The following CSMD3 variants were observed in gnomAD, a reference collection of about 807,000 sequenced individuals.
CSMD3 encodes the protein CUB and Sushi multiple domains 3, also known as CUB and sushi domain-containing protein 3.
CSMD3 carries 177 observed loss-of-function variants against 435.2 expected under a neutral mutation model. That is an observed-to-expected ratio of 0.41 (90% CI 0.36 to 0.46). The LOEUF is 0.46. CSMD3 is among the 20% of genes least tolerant of loss of function. The probability of loss-of-function intolerance (pLI) is 0.34; values close to 1 mark genes in which losing one functional copy is unlikely to be tolerated. For missense variants in CSMD3, 4,265 were observed against 4,504.6 expected, an observed-to-expected ratio of 0.95 and a Z score of 1.52; for synonymous variants, 1,656 against 1,520.5, an observed-to-expected ratio of 1.09 and a Z score of -2.07.
At chr8:113,210,010 G>C (rs2092814496) in intron 3 of CSMD3, among the ~76,000 whole-genome samples, 1 of 98,020 alleles carries the variant, frequency 1.0e-5, no homozygotes, top group Non-Finnish European at 1.8e-5. Flanking sequence ...AAAGGTGTGT[G>C]TGTGTGTGTG....
intron 3 of CSMD3, among the ~76,000 whole-genome samples, chr8:113,263,618 T>G (rs187640123): frequency 6.6e-6 from 1 of 151,972 alleles, no homozygotes; most frequent in African/African-American, 2.4e-5. Flanking sequence ...TGGGCGCTTC[T>G]TTTTTCTGGT....
chr8:112,245,713 A>G lies in CSMD3; in HGVS notation c.10223-1140T>C, dbSNP rs541964847. On this transcript the variant is annotated intron_variant, in intron 64 of 70. Coordinates refer to ENST00000297405, the MANE Select transcript of CSMD3 (RefSeq NM_198123.2). ...CCACCACACCCAGCTAATTTTTTAT[A>G]TTTTTAATAGAGATGGGTTTCGCCA... Among the ~76,000 whole-genome samples the G allele has an allele frequency of 2.0e-5, 3 of 152,124 alleles. No homozygotes were observed. The East Asian group carries it at 5.8e-4, about 29-fold the overall frequency.
chr8:112,966,843 C>G (rs560517091), intron 7 of CSMD3, among the ~76,000 whole-genome samples: 1 of 151,878 alleles, frequency 6.6e-6, no homozygotes, highest in Non-Finnish European at 1.5e-5. Flanking sequence ...AAATTTCCCA[C>G]CATTTGAGTC....
At chr8:113,006,981 A>G (rs2086081521) in intron 6 of CSMD3, among the ~76,000 whole-genome samples, 1 of 151,926 alleles carries the variant, frequency 6.6e-6, no homozygotes, top group Non-Finnish European at 1.5e-5. Context: ...GTCCTTTTAT[A>G]TCTTCTCCAC....
intron 5 of CSMD3, among the ~76,000 whole-genome samples, chr8:113,036,672 A>G (rs2087365451): frequency 6.6e-6 from 1 of 152,084 alleles, no homozygotes; most frequent in Non-Finnish European, 1.5e-5. Flanking sequence ...CAAAGAAACA[A>G]AGAAAAACAT....
At chr8:112,405,194 A>AC (rs1831674014) in intron 35 of CSMD3, among the ~76,000 whole-genome samples, 1 of 35,490 alleles carries the variant, frequency 2.8e-5, no homozygotes, top group Non-Finnish European at 5.3e-5. Flanking sequence ...AAAAAAAAAA[A>AC]AAAAAAAAAA....
At chr8:112,392,438 T>G (rs1378108529) in intron 35 of CSMD3, among the ~76,000 whole-genome samples, 1 of 152,100 alleles carries the variant, frequency 6.6e-6, no homozygotes, top group Non-Finnish European at 1.5e-5. Context: ...ATACAAATTC[T>G]GTTTAAATTA....
chr8:112,315,395 A>G (rs940598161), intron 47 of CSMD3, among the ~76,000 whole-genome samples: 4 of 151,902 alleles, frequency 2.6e-5, no homozygotes, highest in Non-Finnish European at 5.9e-5. Context: ...AATTATGAAC[A>G]TCTACTTAAA....
intron 5 of CSMD3, among the ~76,000 whole-genome samples, chr8:113,078,782 T>G (rs894076988): frequency 6.6e-6 from 1 of 152,148 alleles, no homozygotes; most frequent in Non-Finnish European, 1.5e-5. Flanking sequence ...CACAGAGTAA[T>G]AGCTGCACAG....
chr8:113,071,807 G>A (rs1001253125), intron 5 of CSMD3, among the ~76,000 whole-genome samples: 4 of 151,652 alleles, frequency 2.6e-5, no homozygotes, highest in Non-Finnish European at 5.9e-5. Flanking sequence ...GTCTTTCAGG[G>A]ATCCATATCA....
At chr8:112,503,020 A>T (rs1481931408) in intron 30 of CSMD3, among the ~76,000 whole-genome samples, 4 of 152,216 alleles carry the variant, frequency 2.6e-5, no homozygotes, top group African/African-American at 9.6e-5. Context: ...AAACACTAGC[A>T]GAAGTATTCT....
At chr8:112,568,956 C>T (rs533841328) in intron 24 of CSMD3, among the ~76,000 whole-genome samples, 11 of 152,218 alleles carry the variant, frequency 7.2e-5, no homozygotes, top group South Asian at 4.1e-4. Context: ...TATAATCTAA[C>T]GATATACAGC....
chr8:112,647,643 G>A (rs1422625504), intron 19 of CSMD3, among the ~76,000 whole-genome samples: 2 of 152,030 alleles, frequency 1.3e-5, no homozygotes, highest in African/African-American at 4.8e-5. Flanking sequence ...CACCTATTGT[G>A]TCAGTATCCT....
chr8:112,887,151 C>T (rs1471993205), intron 10 of CSMD3, among the ~76,000 whole-genome samples: 2 of 150,070 alleles, frequency 1.3e-5, no homozygotes, highest in African/African-American at 4.9e-5. Flanking sequence ...TAAAGCTCAC[C>T]TATCATATAG....
chr8:112,650,057 A>T, intron 19 of CSMD3, 104 bp downstream of exon 19: 1 of 884,284 alleles, frequency 1.1e-6, no homozygotes, highest in Non-Finnish European at 1.8e-6. Flanking sequence ...AAGAACTTTT[A>T]AAAAACCTAA....
chr8:112,374,759 C>T (rs1828781217), intron 38 of CSMD3, among the ~76,000 whole-genome samples: 1 of 152,130 alleles, frequency 6.6e-6, no homozygotes, highest in Admixed American at 6.6e-5. Flanking sequence ...ATTATAATAT[C>T]GTCTTCTAAT....
chr8:112,686,796 T>C (rs2076023451), intron 14 of CSMD3, among the ~76,000 whole-genome samples: 1 of 152,092 alleles, frequency 6.6e-6, no homozygotes, highest in Non-Finnish European at 1.5e-5. Context: ...TTTTATTACA[T>C]ATTTTTTAAA....
chr8:112,643,483 G>A (rs373958615), intron 20 of CSMD3: 219 of 170,308 alleles, frequency 1.3e-3, no homozygotes, highest in African/African-American at 5.1e-3. Context: ...AGGCATCTAC[G>A]TCCGCATCTC....
rs1369001758 is a variant in CSMD3, at chr8:112,997,366, A to G, written c.1031-21218T>C. Among the ~76,000 whole-genome samples the G allele has an allele frequency of 2.0e-5, 3 of 151,668 alleles. No individual in the cohort carries two copies. The Admixed American group carries it at 2.0e-4, about 10-fold the overall frequency. On this transcript the variant is annotated intron_variant, in intron 6 of 70. Transcript: ENST00000297405. ...TTACCACATTTTAAAGTAATTACTC[A>G]TCTCACTCAATCCAATTTATAATGT...
Sources: gnomAD v4.1 joint callset for allele counts (sites outside exome capture counted in the v4.1 genomes callset) on GRCh38, gnomAD v4.1.1 for gene constraint, MANE v1.5 for transcripts, NCBI Gene and HGNC (gene_info 2026-07-23, HGNC 2026-07-21) for gene names.